ACAT2: variants seen among roughly 807,000 people sequenced by gnomAD.
ACAT2 encodes the protein acetyl-CoA acetyltransferase 2.
ACAT2 carries 26 observed loss-of-function variants against 37.1 expected under a neutral mutation model. That is an observed-to-expected ratio of 0.70 (90% CI 0.51 to 0.97). ACAT2 has a LOEUF of 0.97. ACAT2 is among the 50% of genes least tolerant of loss of function. The probability of loss-of-function intolerance (pLI) is 0.00; values close to 1 mark genes in which losing one functional copy is unlikely to be tolerated. For missense variants in ACAT2, 468 were observed against 489.0 expected, an observed-to-expected ratio of 0.96 and a Z score of 0.40; for synonymous variants, 156 against 163.6, an observed-to-expected ratio of 0.95 and a Z score of 0.35.
intron 2 of ACAT2, among the ~76,000 whole-genome samples, chr6:159,764,074 C>G (rs1780214135): frequency 6.6e-6 from 1 of 151,954 alleles, no homozygotes; most frequent in African/African-American, 2.4e-5. Flanking sequence ...GCACTCCATT[C>G]AGCCTGGGCA....
chr6:159,764,664 G>A (rs980991100), intron 2 of ACAT2, among the ~76,000 whole-genome samples: 2 of 152,056 alleles, frequency 1.3e-5, no homozygotes, highest in Non-Finnish European at 2.9e-5. Flanking sequence ...GGGCGTGAGT[G>A]CAATGGCTGT....
chr6:159,778,318 A>C, intron 8 of ACAT2, 38 bp downstream of exon 8: 1 of 1,411,216 alleles, frequency 7.1e-7, no homozygotes, highest in Non-Finnish European at 9.8e-7. Flanking sequence ...CTTACCAGTG[A>C]ATTTCACAAT....
chr6:159,762,553 A>T, intron 1 of ACAT2: 1 of 1,320,780 alleles, frequency 7.6e-7, no homozygotes, highest in Non-Finnish European at 9.8e-7. Flanking sequence ...GCTGTCACAC[A>T]ATGGCTAGAA....
chr6:159,776,396 C>A, intron 6 of ACAT2, 124 bp downstream of exon 6: 2 of 1,217,504 alleles, frequency 1.6e-6, no homozygotes, highest in Non-Finnish European at 2.2e-6. Context: ...CTCTGCCAGC[C>A]AGGTTCGTGT....
In ACAT2 at chr6:159,778,821, A is replaced by T. The variant is rs1207053465; in HGVS notation, c.1186A>T (p.Arg396Ter). The change falls in exon 9 of 9, where the codon AGA becomes TGA. Residue 396 changes from arginine (R) to a stop codon, truncating the protein, a stop_gained. Coordinates refer to ENST00000367048, the MANE Select transcript of ACAT2 (RefSeq NM_005891.3). LOFTEE classifies it high-confidence loss of function. ...GGMGIAMCVQ[R>*]E is the part of the protein sequence containing the mutation. ...GATGGGAATAGCAATGTGTGTTCAG[A>T]GAGAATGAATTGCTTAAACTTTGAA... 6.2e-7 allele frequency: 1 copy of T among 1,614,220 alleles called. No individual in the cohort carries two copies.
intron 8 of ACAT2, 120 bp from the exon 9 acceptor site, chr6:159,778,539 A>G: frequency 8.7e-7 from 1 of 1,144,190 alleles, no homozygotes; most frequent in Non-Finnish European, 1.2e-6. Context: ...AAGCAGTTAA[A>G]ATGAAAATTT....
rs1253852178 is a variant in ACAT2, at chr6:159,762,074, G to A, written c.-14G>A. On this transcript the variant is annotated 5_prime_UTR_variant, in exon 1 of 9. Transcript: ENST00000367048. ...TGCAGGCAGCGCAGGGCAGACGGCG[G>A]CAGGAGAAGCAAGATGAATGCAGGC... The A allele has an allele frequency of 1.2e-6, 2 of 1,612,672 alleles. No homozygotes were observed. The highest frequency in any genetic ancestry group is 1.7e-6 in the Non-Finnish European group (2 of 1,179,336).
Position 159,767,177 on chromosome 6 carries a change from T to C in ACAT2, c.363T>C (p.Asn121=). The C allele has an allele frequency of 6.2e-7, 1 of 1,614,084 alleles. No individual in the cohort carries two copies. Among genetic ancestry groups the C allele is most frequent in the Non-Finnish European group, 8.5e-7 (1 of 1,180,028 alleles). Residue 121 remains asparagine, a synonymous_variant, in exon 3 of 9, where the codon AAT becomes AAC. Transcript: ENST00000367048. Reference sequence around the variant, plus strand: ...TTGTGGTTGCAGGAGGCATGGAAAATATGAGCAAGGTAAGGCCTCTCTGAT... The same window carrying C: ...TTGTGGTTGCAGGAGGCATGGAAAACATGAGCAAGGTAAGGCCTCTCTGAT... ...SSIVVAGGME[N]MSKAPHLAYL...
At chr6:159,768,486 A>G (rs774522464) in intron 3 of ACAT2, 25 bp from the exon 4 acceptor site, 5 of 1,527,984 alleles carry the variant, frequency 3.3e-6, no homozygotes. Context: ...CTAAGCCTAA[A>G]TCCATTTTTA....
chr6:159,769,889 C>T (rs1032799923), intron 4 of ACAT2, among the ~76,000 whole-genome samples: 11 of 152,178 alleles, frequency 7.2e-5, no homozygotes, highest in Admixed American at 2.6e-4. Flanking sequence ...TGATCAAATA[C>T]TAAGCTTGTA....
intron 3 of ACAT2, 24 bp downstream of exon 3, chr6:159,767,210 C>T (rs746974335): frequency 1.3e-5 from 21 of 1,611,940 alleles, no homozygotes; most frequent in South Asian, 6.6e-5. Flanking sequence ...GATGAGGTGG[C>T]TTTCACTGAC....
rs770773688 is a variant in ACAT2 at position 159,778,263 on chromosome 6, G to C, written c.1006G>C (p.Gly336Arg). The C allele has an allele frequency of 6.2e-7, 1 of 1,607,612 alleles. No individual in the cohort carries two copies. Among genetic ancestry groups the C allele is most frequent in the East Asian group, 2.2e-5 (1 of 44,756 alleles). ...AVSAAIVKELGLNPEKVNIEG... is the reference protein window; with the variant it reads ...AVSAAIVKELRLNPEKVNIEG... Reference sequence around the variant, plus strand: ...CTCTGCTGCAATAGTTAAAGAACTTGGATTAAACCCAGAGAAGGTAAAGAT... The same window carrying C: ...CTCTGCTGCAATAGTTAAAGAACTTCGATTAAACCCAGAGAAGGTAAAGAT... Residue 336 changes from glycine (G) to arginine (R), a missense_variant, in exon 8 of 9, where the codon GGA becomes CGA. Physicochemically the swap from Gly to Arg is moderately radical, Grantham distance 125. Coordinates refer to ENST00000367048, the MANE Select transcript of ACAT2 (RefSeq NM_005891.3).
In ACAT2 at chr6:159,768,387, G is replaced by A. The variant is rs551688413; in HGVS notation, c.373-124G>A. The A allele has an allele frequency of 6.9e-6, 5 of 724,218 alleles. No homozygotes were observed. The South Asian group carries it at 8.2e-5, about 12-fold the overall frequency. 44.9% of individuals were successfully genotyped at this position (724,218 alleles called of 1,614,324 possible). A position where few individuals can be genotyped will look rare whatever the true frequency, so the allele number is the denominator to read the frequency against. On this transcript the variant is annotated intron_variant, in intron 3 of 8. Coordinates refer to ENST00000367048, the MANE Select transcript of ACAT2 (RefSeq NM_005891.3). ...TTGGCCTGGCTGAGGACCTAGAACT[G>A]GGGAGAAGGGCTGCAAAGGGGCCTA...
At chr6:159,771,198 A>G (rs1205471709) in intron 4 of ACAT2, among the ~76,000 whole-genome samples, 4 of 151,998 alleles carry the variant, frequency 2.6e-5, no homozygotes, top group Non-Finnish European at 5.9e-5. Context: ...CATGACCAAC[A>G]TGGAGAAACT....
In ACAT2 at chr6:159,778,628, T is replaced by A. The variant is rs781155248; in HGVS notation, c.1024-31T>A. The A allele has an allele frequency of 6.8e-6, 11 of 1,607,138 alleles. 1 individual carries two copies. The highest frequency in any genetic ancestry group is 5.5e-5 in the South Asian group (5 of 90,782). On this transcript the variant is annotated intron_variant, in intron 8 of 8. Transcript: ENST00000367048. ...ATTTTAAACTGTGTCCACAGAAGAA[T>A]AAACAATCTAAATCTTTTCTCCCCC...
chr6:159,763,629 C>CTTTTTTTTTTT lies in ACAT2; in HGVS notation c.190+594_190+604dup, dbSNP rs765044833. 3.0e-4 allele frequency among the ~76,000 whole-genome samples: 23 copies of CTTTTTTTTTTT among 76,408 alleles called. 2 individuals are homozygous for CTTTTTTTTTTT. Among genetic ancestry groups the CTTTTTTTTTTT allele is most frequent in the South Asian group, 5.3e-4 (1 of 1,874 alleles). 50.1% of individuals were successfully genotyped at this position (76,408 alleles called of 152,430 possible). A position where few individuals can be genotyped will look rare whatever the true frequency, so the allele number is the denominator to read the frequency against. ...ACCACCTACACTGCCTTTTCTTTTCCTTTTTTTTTTTTTTTTTTTTTTTTT... is the reference window on the plus strand; with the variant it reads ...ACCACCTACACTGCCTTTTCTTTTCCTTTTTTTTTTTTTTTTTTTTTTTTTTTTTTTTTTTT... On this transcript the variant is annotated intron_variant, in intron 2 of 8. Transcript: ENST00000367048.
At position 159,777,290 on chromosome 6, in the gene ACAT2, C is replaced by A; in HGVS notation, c.758-12C>A. Reference sequence around the variant, plus strand: ...TAAGCATGGTAGAAATTAAGTCACTCATATTTTACAGGAATAAATGATGGT... The same window carrying A: ...TAAGCATGGTAGAAATTAAGTCACTAATATTTTACAGGAATAAATGATGGT... On this transcript the variant is annotated splice_polypyrimidine_tract_variant and intron_variant, in intron 6 of 8. Coordinates refer to ENST00000367048, the MANE Select transcript of ACAT2 (RefSeq NM_005891.3). 2 of 1,608,086 alleles carry A rather than the reference C, an allele frequency of 1.2e-6. No individual in the cohort carries two copies. Among genetic ancestry groups the A allele is most frequent in the Middle Eastern group, 1.7e-4 (1 of 6,014 alleles).
In ACAT2 at chr6:159,762,604, C is replaced by G. The variant is rs1315813897; in HGVS notation, c.56-315C>G. 6.5e-6 allele frequency: 9 copies of G among 1,395,286 alleles called. No individual in the cohort carries two copies. In the East Asian group the frequency reaches 3.3e-4, roughly 50 times the overall value. The allele number at this position is 1,395,286 out of a possible 1,614,324, so 86.4% of individuals were successfully genotyped here. ...CCTTCGTGCCGCATGGTTTTCAACG[C>G]CCTTGACCCGCCGGTTCCTTTTGTT... On this transcript the variant is annotated intron_variant, in intron 1 of 8. Transcript: ENST00000367048.
At chr6:159,776,577 C>T (rs1426653259) in intron 6 of ACAT2, among the ~76,000 whole-genome samples, 1 of 152,162 alleles carries the variant, frequency 6.6e-6, no homozygotes, top group African/African-American at 2.4e-5. Context: ...TGTCATTTCT[C>T]TGTATTTGAT....
Sources: allele counts gnomAD v4.1 joint callset (sites outside exome capture counted in the v4.1 genomes callset), GRCh38; gene constraint gnomAD v4.1.1; transcripts MANE v1.5; gene names NCBI Gene and HGNC (gene_info 2026-07-23, HGNC 2026-07-21).